The following MSR1 variants were observed in gnomAD, a reference collection of about 807,000 sequenced individuals.
The protein encoded by MSR1 is macrophage scavenger receptor 1.
In MSR1, 53 loss-of-function variants were observed where a neutral mutation model predicts 47.2. The ratio of observed to expected loss-of-function variants is 1.12; its 90% CI spans 0.90 to 1.41. MSR1 has a LOEUF of 1.41. MSR1 is among the 40% of genes most tolerant of loss of function. MSR1 has a pLI of 0.00. For synonymous variants in MSR1, 239 were observed against 185.6 expected (o/e 1.29, Z -2.34); for missense variants, 786 against 546.9 (o/e 1.44, Z -4.36).
At chr8:16,161,846 T>C (rs111946385) in intron 5 of MSR1, among the ~76,000 whole-genome samples, 1 of 152,024 alleles carries the variant, frequency 6.6e-6, no homozygotes, top group Admixed American at 6.6e-5. Context: ...AACTAGTGTA[T>C]TTGAAATGAA....
intron 5 of MSR1, among the ~76,000 whole-genome samples, chr8:16,158,623 T>A (rs1273848869): frequency 1.3e-5 from 2 of 151,976 alleles, no homozygotes; most frequent in African/African-American, 4.8e-5. Context: ...TGCCTAAACC[T>A]GCTTCTTTTT....
intron 9 of MSR1, among the ~76,000 whole-genome samples, chr8:16,117,972 A>C (rs1039955500): frequency 6.6e-6 from 1 of 152,114 alleles, no homozygotes; most frequent in East Asian, 1.9e-4. Flanking sequence ...TCTGTGGAAA[A>C]ATTGTCTTCC....
intron 1 of MSR1, among the ~76,000 whole-genome samples, chr8:16,179,305 C>A (rs1320482093): frequency 6.6e-6 from 1 of 152,098 alleles, no homozygotes; most frequent in Non-Finnish European, 1.5e-5. Flanking sequence ...CTCTATCTGA[C>A]AAAAGAGAGG....
At chr8:16,120,841 A>G in intron 8 of MSR1, 2 of 559,550 alleles carry the variant, frequency 3.6e-6, no homozygotes, top group Admixed American at 3.2e-5. Context: ...TCTGTCTTAC[A>G]TGTAAGTTAT....
intron 3 of MSR1, 99 bp downstream of exon 3, chr8:16,175,088 A>T: frequency 1.1e-6 from 1 of 929,620 alleles, no homozygotes; most frequent in South Asian, 1.4e-5. Context: ...TTTCTTTATG[A>T]ATGTACCATA....
rs1799674366 is a variant in MSR1 at position 16,108,041 on chromosome 8, A to G, written c.*2044T>C. ...GATTTTTAGATTACTTATTAAAGAT[A>G]TATCTATGCATAAGTGGTAAATCAG... On this transcript the variant is annotated 3_prime_UTR_variant, in exon 10 of 10. Coordinates refer to ENST00000262101, the MANE Select transcript of MSR1 (RefSeq NM_138715.3). 6.6e-6 allele frequency: 1 copy of G among 151,778 alleles called. No homozygotes were observed. 9.4% of individuals were successfully genotyped at this position (151,778 alleles called of 1,614,324 possible).
At chr8:16,127,019 T>A (rs946225839) in intron 8 of MSR1, among the ~76,000 whole-genome samples, 17 of 152,154 alleles carry the variant, frequency 1.1e-4, no homozygotes, top group Admixed American at 1.1e-3. Context: ...GTATTATTGA[T>A]ACTATTATTT....
intron 5 of MSR1, 105 bp downstream of exon 5, chr8:16,163,960 A>C (rs1801230865): frequency 1.1e-6 from 1 of 930,954 alleles, no homozygotes; most frequent in Non-Finnish European, 1.5e-6. Flanking sequence ...GTAAGCTCAG[A>C]AACTATTTAT....
chr8:16,117,453 G>A (rs1183368234), intron 9 of MSR1, among the ~76,000 whole-genome samples: 2 of 152,138 alleles, frequency 1.3e-5, no homozygotes, highest in Non-Finnish European at 2.9e-5. Context: ...AACCCTGTCA[G>A]TGAGTGGAAA....
At chr8:16,182,559 C>A (rs1388524095) in intron 1 of MSR1, among the ~76,000 whole-genome samples, 1 of 146,484 alleles carries the variant, frequency 6.8e-6, no homozygotes, top group Non-Finnish European at 1.5e-5. Context: ...GCTATTTTAA[C>A]TTTTTTTTTT....
At chr8:16,190,727 C>CTTTTTTTTT (rs1279894353) in intron 1 of MSR1, among the ~76,000 whole-genome samples, 1 of 146,732 alleles carries the variant, frequency 6.8e-6, no homozygotes, top group African/African-American at 2.6e-5. Context: ...TTCTTTCTTT[C>CTTTTTTTTT]TTTTTGTTTT....
chr8:16,180,005 G>T (rs180915793), intron 1 of MSR1, among the ~76,000 whole-genome samples: 2 of 150,424 alleles, frequency 1.3e-5, no homozygotes, highest in African/African-American at 2.4e-5. Context: ...CTACCATGTT[G>T]TCCAGGCTGA....
At chr8:16,149,164 T>A (rs1800778200) in intron 7 of MSR1, among the ~76,000 whole-genome samples, 1 of 152,074 alleles carries the variant, frequency 6.6e-6, no homozygotes, top group Non-Finnish European at 1.5e-5. Context: ...GAGTGGCCAC[T>A]AATGTACATT....
intron 4 of MSR1, 75 bp from the exon 5 acceptor site, chr8:16,164,326 C>G (rs879470400): frequency 6.2e-6 from 8 of 1,300,552 alleles, no homozygotes. Flanking sequence ...AAGAAACCCT[C>G]GGAGTTCAGG....
chr8:16,124,833 G>A (rs931750983), intron 8 of MSR1, among the ~76,000 whole-genome samples: 1 of 152,140 alleles, frequency 6.6e-6, no homozygotes, highest in Non-Finnish European at 1.5e-5. Flanking sequence ...GTAAATAAAT[G>A]AATGGTAAGC....
chr8:16,126,082 A>T (rs1800121648), intron 8 of MSR1, among the ~76,000 whole-genome samples: 1 of 152,124 alleles, frequency 6.6e-6, no homozygotes. Context: ...TTATTTAAAG[A>T]AGGAAACAAC....
At chr8:16,117,728 C>T (rs559026446) in intron 9 of MSR1, among the ~76,000 whole-genome samples, 16 of 152,204 alleles carry the variant, frequency 1.1e-4, no homozygotes, top group African/African-American at 2.4e-4. Flanking sequence ...GTAGACTGTA[C>T]ATAAGCAACA....
At chr8:16,158,917 T>A (rs1801085042) in intron 5 of MSR1, among the ~76,000 whole-genome samples, 1 of 148,736 alleles carries the variant, frequency 6.7e-6, no homozygotes, top group Non-Finnish European at 1.5e-5. Flanking sequence ...ATTCAGTTTT[T>A]TTCCTTTGGT....
intron 4 of MSR1, among the ~76,000 whole-genome samples, chr8:16,165,153 T>C (rs35402229): frequency 6.6e-4 from 101 of 152,222 alleles, no homozygotes; most frequent in African/African-American, 2.4e-3. Context: ...CTTCCTGAAG[T>C]GGATTTGACC....
Sources: gnomAD v4.1 joint callset for allele counts (sites outside exome capture counted in the v4.1 genomes callset) on GRCh38, gnomAD v4.1.1 for gene constraint, MANE v1.5 for transcripts, NCBI Gene and HGNC (gene_info 2026-07-23, HGNC 2026-07-21) for gene names.